Variants in CACNA2D3 observed in about 807,000 individuals in gnomAD.
CACNA2D3 encodes calcium voltage-gated channel auxiliary subunit alpha2delta 3, also known as voltage-dependent calcium channel subunit alpha-2/delta-3.
In CACNA2D3, 60 loss-of-function variants were observed where a neutral mutation model predicts 160.6. The ratio of observed to expected loss-of-function variants is 0.37; its 90% confidence interval spans 0.30 to 0.46. The LOEUF is 0.46. Among genes scored for constraint, CACNA2D3 ranks in the 20% least tolerant of loss-of-function variants. The pLI is 1.00. For missense variants in CACNA2D3, 1,205 were observed against 1,365.0 expected (o/e 0.88, Z 1.85); for synonymous variants, 558 against 492.9 (o/e 1.13, Z -1.75).
chr3:54,834,697 G>A (rs1159442711), intron 14 of CACNA2D3, among the ~76,000 whole-genome samples: 1 of 152,160 alleles, frequency 6.6e-6, no homozygotes, highest in African/African-American at 2.4e-5. Context: ...TATTAGTCAT[G>A]GTTCTCTAGA....
At chr3:54,545,389 G>T (rs1702045007) in intron 5 of CACNA2D3, among the ~76,000 whole-genome samples, 2 of 152,152 alleles carry the variant, frequency 1.3e-5, no homozygotes, top group South Asian at 4.1e-4. Context: ...CAGCTGGCTT[G>T]TTCCACTCTT....
chr3:54,444,814 A>T (rs568679668), intron 4 of CACNA2D3, among the ~76,000 whole-genome samples: 10 of 152,348 alleles, frequency 6.6e-5, no homozygotes, highest in Admixed American at 6.5e-4. Flanking sequence ...CTCATCACTC[A>T]GTACTACTTT....
At chr3:54,370,295 T>C (rs1698902132) in intron 3 of CACNA2D3, among the ~76,000 whole-genome samples, 1 of 152,252 alleles carries the variant, frequency 6.6e-6, no homozygotes, top group Admixed American at 6.5e-5. Flanking sequence ...ATTCACAATG[T>C]AACACGCTTC....
intron 27 of CACNA2D3, among the ~76,000 whole-genome samples, chr3:54,964,015 G>T (rs1324424678): frequency 6.6e-6 from 1 of 152,222 alleles, no homozygotes; most frequent in East Asian, 1.9e-4. Context: ...AGAGAGGTCA[G>T]TGCTTCAGAT....
At chr3:54,284,011 G>A (rs116452661) in intron 2 of CACNA2D3, among the ~76,000 whole-genome samples, 8,851 of 152,224 alleles carry the variant, frequency 0.058, 274 homozygotes, top group African/African-American at 0.064. Context: ...GCATTGAGCC[G>A]AGATTGCACC....
intron 2 of CACNA2D3, among the ~76,000 whole-genome samples, chr3:54,238,985 G>C (rs191254177): frequency 1.3e-5 from 2 of 152,302 alleles, no homozygotes; most frequent in East Asian, 3.9e-4. Context: ...GTTTATTGTT[G>C]TAAAATGTAA....
chr3:54,524,822 G>C (rs191046366), intron 5 of CACNA2D3, among the ~76,000 whole-genome samples: 388 of 151,954 alleles, frequency 2.6e-3, no homozygotes, highest in African/African-American at 9.0e-3. Context: ...CTTGTTAATA[G>C]AACAAGAAGG....
intron 2 of CACNA2D3, among the ~76,000 whole-genome samples, chr3:54,165,804 C>T (rs1700444266): frequency 6.6e-6 from 1 of 151,962 alleles, no homozygotes. Context: ...TCTCTAAAAA[C>T]AACAACAACA....
chr3:54,149,883 G>GTCTCTCTCTCTCTCTCTCTCTC (rs554851240), intron 2 of CACNA2D3, among the ~76,000 whole-genome samples: 1 of 60,768 alleles, frequency 1.6e-5, no homozygotes, highest in Non-Finnish European at 3.0e-5. Flanking sequence ...TGAAGTATCT[G>GTCTCTCTCTCTCTCTCTCTCTC]TCTCTCTCTC....
intron 4 of CACNA2D3, among the ~76,000 whole-genome samples, chr3:54,470,448 GA>G (rs1700710266): frequency 6.6e-6 from 1 of 152,116 alleles, no homozygotes; most frequent in Admixed American, 6.5e-5. Flanking sequence ...ATATGGAAAG[GA>G]GGAAAAACTG....
At chr3:54,991,644 A>T (rs1189637849) in intron 31 of CACNA2D3, among the ~76,000 whole-genome samples, 1 of 152,176 alleles carries the variant, frequency 6.6e-6, no homozygotes, top group Non-Finnish European at 1.5e-5. Context: ...ACAGCCTGTC[A>T]TAGGAGTCTT....
chr3:54,836,280 C>A (rs911376395), intron 14 of CACNA2D3, among the ~76,000 whole-genome samples: 1 of 145,390 alleles, frequency 6.9e-6, no homozygotes, highest in Non-Finnish European at 1.5e-5. Context: ...TGTCACCCAG[C>A]CTGGAGTGCA....
At chr3:54,785,026 G>A (rs1271479670) in intron 13 of CACNA2D3, among the ~76,000 whole-genome samples, 1 of 152,118 alleles carries the variant, frequency 6.6e-6, no homozygotes, top group African/African-American at 2.4e-5. Flanking sequence ...TTTACAAACA[G>A]AACAAATCTA....
chr3:54,250,909 T>C (rs946665425), intron 2 of CACNA2D3, among the ~76,000 whole-genome samples: 1 of 151,698 alleles, frequency 6.6e-6, no homozygotes. Context: ...AGTGAGTTGG[T>C]TTGAGTGTTC....
At chr3:54,949,972 G>T (rs1025879768) in intron 27 of CACNA2D3, among the ~76,000 whole-genome samples, 1 of 152,222 alleles carries the variant, frequency 6.6e-6, no homozygotes, top group South Asian at 2.1e-4. Context: ...CAGGCATGCA[G>T]AGTCTCTAGT....
chr3:54,541,193 C>T (rs1011672822), intron 5 of CACNA2D3, among the ~76,000 whole-genome samples: 3 of 138,914 alleles, frequency 2.2e-5, no homozygotes, highest in East Asian at 2.3e-4. Flanking sequence ...AGGAGAATGG[C>T]GTGAACCTGG....
intron 27 of CACNA2D3, among the ~76,000 whole-genome samples, chr3:54,927,727 C>A (rs1701064701): frequency 2.0e-5 from 3 of 152,202 alleles, no homozygotes; most frequent in African/African-American, 7.2e-5. Flanking sequence ...TCTCCACCCT[C>A]TTCCTCTGCA....
chr3:54,728,434 A>G (rs938381309), intron 11 of CACNA2D3, among the ~76,000 whole-genome samples: 21 of 152,246 alleles, frequency 1.4e-4, no homozygotes, highest in African/African-American at 5.1e-4. Context: ...TCTTTTTTAT[A>G]CTTTATCTTT....
chr3:54,854,970 T>C (rs1305596719), intron 17 of CACNA2D3, among the ~76,000 whole-genome samples: 1 of 152,178 alleles, frequency 6.6e-6, no homozygotes, highest in African/African-American at 2.4e-5. Context: ...GGACAGTGTA[T>C]TTTCTTCATA....
Sources: gnomAD v4.1 joint callset for allele counts (sites outside exome capture counted in the v4.1 genomes callset) on GRCh38, gnomAD v4.1.1 for gene constraint, MANE v1.5 for transcripts, NCBI Gene and HGNC (gene_info 2026-07-23, HGNC 2026-07-21) for gene names.